ELMO1: variants seen among roughly 807,000 people sequenced by gnomAD.
ELMO1 encodes engulfment and cell motility 1, also known as engulfment and cell motility protein 1.
ELMO1 carries 26 observed loss-of-function variants against 98.9 expected under a neutral mutation model. The observed-to-expected ratio is 0.26, with a 90% CI of 0.19 to 0.36. The LOEUF is 0.36. Among genes scored for constraint, ELMO1 ranks in the 10% least tolerant of loss-of-function variants. ELMO1 has a pLI of 1.00. For synonymous variants in ELMO1, 346 were observed against 346.0 expected, an observed-to-expected ratio of 1.00 and a Z score of 0.00; for missense variants, 627 against 935.2, an observed-to-expected ratio of 0.67 and a Z score of 4.30.
rs141824780 is a variant in ELMO1 at position 37,201,612 on chromosome 7, G to A, written c.1086+9774C>T. 2.8e-3 allele frequency among the ~76,000 whole-genome samples: 419 copies of A among 152,306 alleles called. 1 individual carries two copies. Among genetic ancestry groups the A allele is most frequent in the African/African-American group, 9.6e-3 (401 of 41,572 alleles). ...TGAAAGCTTTAGAGCCCTCTAAGGAGACCCCAAGAACCCCTGTCTTGGCCT... is the reference window on the plus strand; with the variant it reads ...TGAAAGCTTTAGAGCCCTCTAAGGAAACCCCAAGAACCCCTGTCTTGGCCT... On this transcript the variant is annotated intron_variant, in intron 13 of 21. Coordinates refer to ENST00000310758, the MANE Select transcript of ELMO1 (RefSeq NM_014800.11).
intron 10 of ELMO1, among the ~76,000 whole-genome samples, chr7:37,222,096 C>T (rs73108971): frequency 1.2e-3 from 181 of 152,292 alleles, no homozygotes; most frequent in Middle Eastern, 3.4e-3. Flanking sequence ...CTCTGACATA[C>T]GAATGCAGTT....
chr7:37,052,654 C>T (rs1345195917), intron 15 of ELMO1, among the ~76,000 whole-genome samples: 4 of 152,186 alleles, frequency 2.6e-5, no homozygotes, highest in Admixed American at 2.6e-4. Context: ...AATCTCAAAC[C>T]TCTTGCATAA....
Position 36,893,640 on chromosome 7 carries a change from C to T in ELMO1, c.1601+1214G>A, listed in dbSNP as rs141075688. Among the ~76,000 whole-genome samples the T allele has an allele frequency of 3.1e-3, 471 of 152,316 alleles. 1 individual carries two copies. The highest frequency in any genetic ancestry group is 0.011 in the African/African-American group (461 of 41,568). On this transcript the variant is annotated intron_variant, in intron 17 of 21. Coordinates refer to ENST00000310758, the MANE Select transcript of ELMO1 (RefSeq NM_014800.11). ...CACTTTTTAAACCTCATTTCAGTCT[C>T]TCACATTGCAAAGAAGCTAGGGCAG... is the stretch of plus-strand genomic sequence containing the variant.
intron 16 of ELMO1, among the ~76,000 whole-genome samples, chr7:36,922,528 C>A (rs1021943342): frequency 1.3e-5 from 2 of 151,908 alleles, no homozygotes; most frequent in Non-Finnish European, 2.9e-5. Context: ...TCTTGGATTG[C>A]GGGATCTTTT....
intron 1 of ELMO1, among the ~76,000 whole-genome samples, chr7:37,344,840 T>C (rs1800916839): frequency 6.6e-6 from 1 of 152,238 alleles, no homozygotes; most frequent in Non-Finnish European, 1.5e-5. Flanking sequence ...GTCCAAACAT[T>C]TGTCCCTTTT....
intron 13 of ELMO1, among the ~76,000 whole-genome samples, chr7:37,207,480 G>A (rs573585690): frequency 7.2e-5 from 11 of 152,230 alleles, no homozygotes; most frequent in African/African-American, 2.6e-4. Flanking sequence ...GAACCTGGGA[G>A]ATGGAGGTTA....
At chr7:36,941,712 A>G (rs1262546123) in intron 16 of ELMO1, among the ~76,000 whole-genome samples, 1 of 152,238 alleles carries the variant, frequency 6.6e-6, no homozygotes, top group Non-Finnish European at 1.5e-5. Flanking sequence ...AAGAAGTTCC[A>G]TGGCTTCAGT....
At chr7:37,442,551 C>A (rs535664750) in intron 1 of ELMO1, among the ~76,000 whole-genome samples, 1 of 152,190 alleles carries the variant, frequency 6.6e-6, no homozygotes, top group Non-Finnish European at 1.5e-5. Context: ...ATACTGTTCT[C>A]ATTTTTTATT....
intron 16 of ELMO1, among the ~76,000 whole-genome samples, chr7:36,943,942 G>T (rs1787262914): frequency 6.6e-6 from 1 of 152,110 alleles, no homozygotes; most frequent in African/African-American, 2.4e-5. Flanking sequence ...AATAGGGCTG[G>T]TTTCACATTT....
At chr7:37,025,867 C>G (rs1199721359) in intron 15 of ELMO1, among the ~76,000 whole-genome samples, 4 of 149,846 alleles carry the variant, frequency 2.7e-5, no homozygotes, top group African/African-American at 9.8e-5. Context: ...TAAGGATTCT[C>G]TGTCTCTCCA....
chr7:36,907,865 C>T (rs533337800), intron 16 of ELMO1, among the ~76,000 whole-genome samples: 3 of 152,316 alleles, frequency 2.0e-5, no homozygotes, highest in East Asian at 3.9e-4. Flanking sequence ...ACCACCAATC[C>T]GCTAAATTTG....
chr7:37,333,037 G>A (rs905200284), intron 2 of ELMO1, among the ~76,000 whole-genome samples: 10 of 152,116 alleles, frequency 6.6e-5, no homozygotes, highest in Admixed American at 5.9e-4. Flanking sequence ...TGGGGATGGG[G>A]GTTAAGCATG....
Position 36,870,148 on chromosome 7 carries a change from T to C in ELMO1, c.1905+245A>G, listed in dbSNP as rs1803385944. ...ACAATAGTGAGGGCAATTCTTAGGG[T>C]TGGAAGTAGGCAGGAAGTGAGAGAA... On this transcript the variant is annotated intron_variant, in intron 20 of 21. Transcript: ENST00000310758. This position sits in a 1 kb window ranked among gnomAD's most constrained non-coding sequence, Gnocchi z 4.4. Among the ~76,000 whole-genome samples the C allele has an allele frequency of 6.6e-6, 1 of 151,712 alleles. No individual in the cohort carries two copies. Among genetic ancestry groups the C allele is most frequent in the Admixed American group, 6.6e-5 (1 of 15,236 alleles).
chr7:36,873,025 A>G (rs1263375613), intron 19 of ELMO1, among the ~76,000 whole-genome samples: 1 of 152,208 alleles, frequency 6.6e-6, no homozygotes, highest in Non-Finnish European at 1.5e-5. Flanking sequence ...AAGGCTTCCA[A>G]GGAGAAGCGT....
At chr7:37,238,487 A>G (rs909605784) in intron 7 of ELMO1, among the ~76,000 whole-genome samples, 1 of 152,168 alleles carries the variant, frequency 6.6e-6, no homozygotes, top group Admixed American at 6.5e-5. Context: ...ATAGATAATC[A>G]TGTTTTCTAT....
At position 37,093,921 on chromosome 7, in the gene ELMO1, C is replaced by T. The variant is rs1713460278; in HGVS notation, c.1300+2698G>A. 2.0e-5 allele frequency among the ~76,000 whole-genome samples: 3 copies of T among 152,286 alleles called. No homozygotes were observed. In the South Asian group the frequency reaches 6.2e-4, roughly 32 times the overall value. ...CTATCACAACATTGGGGAAATTATT[C>T]TTCAGGACAGATGATGGGCATGCGT... On this transcript the variant is annotated intron_variant, in intron 15 of 21. Coordinates refer to ENST00000310758, the MANE Select transcript of ELMO1 (RefSeq NM_014800.11).
At chr7:37,189,646 C>T (rs1416585140) in intron 13 of ELMO1, among the ~76,000 whole-genome samples, 1 of 152,100 alleles carries the variant, frequency 6.6e-6, no homozygotes, top group Non-Finnish European at 1.5e-5. Flanking sequence ...TGTTACCTAG[C>T]TTAAGCAATG....
At position 37,342,994 on chromosome 7, in the gene ELMO1, G is replaced by A. The variant is rs1800800420; in HGVS notation, c.-73-231C>T. 1.2e-5 allele frequency: 4 copies of A among 335,702 alleles called. No homozygotes were observed. The highest frequency in any genetic ancestry group is 4.5e-5 in the South Asian group (1 of 22,236). 20.8% of individuals were successfully genotyped at this position (335,702 alleles called of 1,614,324 possible). A position where few individuals can be genotyped will look rare whatever the true frequency, so the allele number is the denominator to read the frequency against. On this transcript the variant is annotated intron_variant, in intron 1 of 21. Transcript: ENST00000310758. This position sits in a 1 kb window ranked among gnomAD's most constrained non-coding sequence, Gnocchi z 4.3. ...CCTTGAGTCAAAGCCGCCAGGAGAC[G>A]CTGCCCTGTGGGGCACGGCTTGCGC...
intron 16 of ELMO1, among the ~76,000 whole-genome samples, chr7:36,994,031 T>A (rs1245886009): frequency 6.6e-6 from 1 of 152,164 alleles, no homozygotes; most frequent in Non-Finnish European, 1.5e-5. Flanking sequence ...AAAATCCCAG[T>A]GGGAAGTGAG....
Sources: gnomAD v4.1 joint callset for allele counts (sites outside exome capture counted in the v4.1 genomes callset) on GRCh38, gnomAD v4.1.1 for gene constraint, Gnocchi (gnomAD v3.1) non-coding constraint, MANE v1.5 for transcripts, NCBI Gene and HGNC (gene_info 2026-07-23, HGNC 2026-07-21) for gene names.